The following NF1 variants were observed in gnomAD, a reference collection of about 807,000 sequenced individuals.
NF1 encodes neurofibromin 1.
In NF1, 122 loss-of-function variants were observed where a neutral mutation model predicts 325.7. That is an observed-to-expected ratio of 0.37 (90% CI 0.32 to 0.44). NF1 has a LOEUF of 0.44. Among genes scored for constraint, NF1 ranks in the 20% least tolerant of loss-of-function variants. NF1 has a pLI of 1.00. For missense variants in NF1, 2,140 were observed against 3,415.4 expected (o/e 0.63, Z 9.31); for synonymous variants, 1,091 against 1,186.0 (o/e 0.92, Z 1.65).
chr17:31,245,554 C>T (rs1482159451), intron 29 of NF1, among the ~76,000 whole-genome samples: 1 of 152,210 alleles, frequency 6.6e-6, no homozygotes, highest in African/African-American at 2.4e-5. Context: ...GATTAATTTG[C>T]TAGAAGGACT....
At chr17:31,186,587 G>A (rs1257934472) in intron 8 of NF1, among the ~76,000 whole-genome samples, 2 of 152,232 alleles carry the variant, frequency 1.3e-5, no homozygotes, top group Non-Finnish European at 2.9e-5. Context: ...GAGATTTGAG[G>A]AAGAGGTATG....
At chr17:31,367,755 A>C (rs2070556638) in intron 57 of NF1, among the ~76,000 whole-genome samples, 1 of 152,176 alleles carries the variant, frequency 6.6e-6, no homozygotes, top group Non-Finnish European at 1.5e-5. Flanking sequence ...TAATCACAGC[A>C]CTTTGGGAGG....
intron 47 of NF1, among the ~76,000 whole-genome samples, chr17:31,340,860 A>C (rs1010903181): frequency 1.3e-4 from 20 of 150,984 alleles, no homozygotes; most frequent in East Asian, 1.2e-3. Context: ...AAAAAAAAAA[A>C]CAAAAAAAAA....
intron 1 of NF1, among the ~76,000 whole-genome samples, chr17:31,097,869 G>C (rs1404424767): frequency 6.6e-6 from 1 of 151,940 alleles, no homozygotes; most frequent in African/African-American, 2.4e-5. Context: ...GCTAATTTTT[G>C]TATTTTTAGT....
chr17:31,252,533 T>C (rs1479508753), intron 30 of NF1: 3 of 218,916 alleles, frequency 1.4e-5, no homozygotes, highest in South Asian at 1.5e-4. Flanking sequence ...AGAAGAATTT[T>C]ACATACCAAG....
intron 21 of NF1, 88 bp downstream of exon 21, chr17:31,229,553 G>A (rs1226977812): frequency 6.8e-7 from 1 of 1,468,416 alleles, no homozygotes; most frequent in African/African-American, 1.4e-5. Flanking sequence ...ATTTAAATTA[G>A]GTACTCACAG....
intron 36 of NF1, among the ~76,000 whole-genome samples, chr17:31,291,197 A>G (rs760895648): frequency 6.6e-6 from 1 of 152,172 alleles, no homozygotes; most frequent in Non-Finnish European, 1.5e-5. Flanking sequence ...GTATCCCACC[A>G]AAGTCCTCTG....
At chr17:31,235,053 G>A (rs2067176954) in intron 27 of NF1, among the ~76,000 whole-genome samples, 1 of 152,072 alleles carries the variant, frequency 6.6e-6, no homozygotes, top group Non-Finnish European at 1.5e-5. Flanking sequence ...TGTGACCCTA[G>A]CTTTGTATGT....
intron 48 of NF1, among the ~76,000 whole-genome samples, chr17:31,343,827 A>G (rs2069895839): frequency 6.6e-6 from 1 of 152,008 alleles, no homozygotes; most frequent in Non-Finnish European, 1.5e-5. Context: ...GCGGTGGCAC[A>G]TGCCTATAGT....
rs1597844075 is a variant in NF1, at chr17:31,337,575, T to A, written c.6635T>A (p.Ile2212Asn). Residue 2212 changes from isoleucine (I) to asparagine (N), a missense_variant, in exon 43 of 58, where the codon ATC (isoleucine) becomes AAC (asparagine). By Grantham distance (149) the Ile-to-Asn change is moderately radical (BLOSUM62 -3). Coordinates refer to ENST00000358273, the MANE Select transcript of NF1 (RefSeq NM_001042492.3). Reference protein sequence around the residue: ...LETVTEALLEIMEACMRDIPT... With the variant: ...LETVTEALLENMEACMRDIPT... The stretch of plus-strand genomic sequence containing the variant: ...ACAGTCACAGAAGCTTTGTTGGAGA[T>A]CATGGAGGTATAGAAGCCAAAATGA... The A allele has an allele frequency of 6.2e-7, 1 of 1,613,952 alleles. No individual in the cohort carries two copies.
chr17:31,142,078 A>C (rs766913511), intron 1 of NF1, among the ~76,000 whole-genome samples: 1 of 152,180 alleles, frequency 6.6e-6, no homozygotes, highest in Non-Finnish European at 1.5e-5. Context: ...CTTTTGAAGA[A>C]TTTTCTAAGT....
intron 36 of NF1, among the ~76,000 whole-genome samples, chr17:31,325,398 T>A (rs1421826972): frequency 6.6e-6 from 1 of 152,238 alleles, no homozygotes; most frequent in Non-Finnish European, 1.5e-5. Flanking sequence ...TTGTCCTGGT[T>A]TGAATAATGT....
intron 1 of NF1, among the ~76,000 whole-genome samples, chr17:31,155,287 A>T (rs1475149346): frequency 1.3e-5 from 2 of 152,236 alleles, no homozygotes; most frequent in East Asian, 3.8e-4. Flanking sequence ...ATGAACTTCT[A>T]GACAGTGGAA....
At chr17:31,301,909 A>G (rs1387545449) in intron 36 of NF1, among the ~76,000 whole-genome samples, 1 of 152,192 alleles carries the variant, frequency 6.6e-6, no homozygotes, top group Non-Finnish European at 1.5e-5. Flanking sequence ...TGCAGTATTC[A>G]TGAAATAAAC....
In NF1 at chr17:31,377,318, A is replaced by G. The variant is rs927123375; in HGVS notation, c.*3163A>G. 4.3e-6 allele frequency: 1 copy of G among 233,426 alleles called. No individual in the cohort carries two copies. The highest frequency in any genetic ancestry group is 1.8e-4 in the South Asian group (1 of 5,534). 14.5% of individuals were successfully genotyped at this position (233,426 alleles called of 1,614,324 possible). Reference sequence around the variant, plus strand: ...TAAAGCAGTTAGTTGCTGCACATGGATAACAACAAAAATTTGATTATTCTC... The same window carrying G: ...TAAAGCAGTTAGTTGCTGCACATGGGTAACAACAAAAATTTGATTATTCTC... On this transcript the variant is annotated 3_prime_UTR_variant, in exon 58 of 58. Transcript: ENST00000358273.
chr17:31,168,928 G>T (rs765892960), intron 4 of NF1, among the ~76,000 whole-genome samples: 8 of 151,954 alleles, frequency 5.3e-5, no homozygotes, highest in Non-Finnish European at 1.2e-4. Flanking sequence ...AAAGATTTTT[G>T]CTTCATTGTG....
Position 31,371,272 on chromosome 17 carries a change from T to C in NF1, c.8378-2741T>C, listed in dbSNP as rs1424549367. On this transcript the variant is annotated intron_variant, in intron 57 of 57. Coordinates refer to ENST00000358273, the MANE Select transcript of NF1 (RefSeq NM_001042492.3). Reference sequence around the variant, plus strand: ...CCTTTACTCAGTAGAGGAAGATGGATGTACAAGTTGTAGAATCATAGGCAA... The same window carrying C: ...CCTTTACTCAGTAGAGGAAGATGGACGTACAAGTTGTAGAATCATAGGCAA... Among the ~76,000 whole-genome samples, 3 of 152,168 alleles carry C rather than the reference T, an allele frequency of 2.0e-5. No homozygotes were observed. In the East Asian group the frequency reaches 5.8e-4, roughly 29 times the overall value.
At chr17:31,270,994 G>A (rs988327385) in intron 36 of NF1, among the ~76,000 whole-genome samples, 2 of 152,178 alleles carry the variant, frequency 1.3e-5, no homozygotes, top group Non-Finnish European at 2.9e-5. Context: ...TATTACTAAA[G>A]TTTGGGAATC....
At chr17:31,337,682 C>T in intron 43 of NF1, 100 bp downstream of exon 43, 3 of 1,407,986 alleles carry the variant, frequency 2.1e-6, no homozygotes, top group Non-Finnish European at 3.0e-6. Context: ...CTATTTTGTA[C>T]TTAATGCTTA....
Sources: allele counts gnomAD v4.1 joint callset (sites outside exome capture counted in the v4.1 genomes callset), GRCh38; gene constraint gnomAD v4.1.1; transcripts MANE v1.5; gene names NCBI Gene and HGNC (gene_info 2026-07-23, HGNC 2026-07-21).